The following RAB2A variants were observed in gnomAD, a reference collection of about 807,000 sequenced individuals.
RAB2A encodes ras-related protein Rab-2A.
In RAB2A, 7 loss-of-function variants were observed where a neutral mutation model predicts 32.5. The ratio of observed to expected loss-of-function variants is 0.22; its 90% CI spans 0.12 to 0.40. RAB2A has a LOEUF of 0.40. Among genes scored for constraint, RAB2A ranks in the 10% least tolerant of loss-of-function variants. The pLI, the probability that RAB2A is intolerant of heterozygous loss-of-function variation, is 1.00. For missense variants in RAB2A, 108 were observed against 260.7 expected (o/e 0.41, Z 4.03); for synonymous variants, 79 against 85.2 (o/e 0.93, Z 0.40).
intron 3 of RAB2A, among the ~76,000 whole-genome samples, chr8:60,581,049 T>C (rs1020006490): frequency 6.6e-6 from 1 of 152,224 alleles, no homozygotes; most frequent in Non-Finnish European, 1.5e-5. Context: ...CCATGAGGAA[T>C]AGATGCTAAC....
chr8:60,620,726 C>G lies in RAB2A; in HGVS notation c.596C>G (p.Ala199Gly), dbSNP rs571634003. The G allele has an allele frequency of 1.1e-5, 17 of 1,613,828 alleles. No homozygotes were observed. In the East Asian group the frequency reaches 3.6e-4, roughly 34 times the overall value. ...PQHAATNATH[A>G]GNQGGQQAGG... ...CATGCTGCTACCAATGCAACACATGCAGGCAATCAGGGAGGACAGCAGGCT... is the reference window on the plus strand; with the variant it reads ...CATGCTGCTACCAATGCAACACATGGAGGCAATCAGGGAGGACAGCAGGCT... Residue 199 changes from alanine to glycine, a missense_variant, in exon 8 of 8, where the codon GCA becomes GGA. By Grantham distance (60) the Ala-to-Gly change is moderately conservative. Around this residue, in one of 4 missense-constraint regions of RAB2A, gnomAD observed 24 missense variants for 23.2 expected, o/e 1.04. Coordinates refer to ENST00000262646, the MANE Select transcript of RAB2A (RefSeq NM_002865.3).
At chr8:60,521,546 G>T (rs937013173) in intron 1 of RAB2A, among the ~76,000 whole-genome samples, 4 of 152,194 alleles carry the variant, frequency 2.6e-5, no homozygotes, top group Non-Finnish European at 4.4e-5. Context: ...CCTGATTGGC[G>T]TAGGGGCTTG....
At chr8:60,560,908 T>C (rs1808013072) in intron 2 of RAB2A, among the ~76,000 whole-genome samples, 1 of 152,200 alleles carries the variant, frequency 6.6e-6, no homozygotes, top group African/African-American at 2.4e-5. Context: ...CAAGAATTGT[T>C]TGGAAAACTG....
rs1371845295 is a variant in RAB2A at position 60,601,493 on chromosome 8, ACG to A, written c.474+9526_474+9527del. Reference sequence around the variant, plus strand: ...GATGGGACTACAGGCATGTGCCACCACGCCTGGCTAATTTTTGTACTTCTAGT... The same window carrying A: ...GATGGGACTACAGGCATGTGCCACCACCTGGCTAATTTTTGTACTTCTAGT... On this transcript the variant is annotated intron_variant, in intron 6 of 7. Coordinates refer to ENST00000262646, the MANE Select transcript of RAB2A (RefSeq NM_002865.3). Among the ~76,000 whole-genome samples the A allele has an allele frequency of 2.0e-5, 3 of 152,182 alleles. No individual in the cohort carries two copies. In the East Asian group the frequency reaches 5.8e-4, roughly 29 times the overall value.
intron 1 of RAB2A, among the ~76,000 whole-genome samples, chr8:60,549,992 C>CT (rs1016557260): frequency 1.7e-4 from 26 of 151,888 alleles, no homozygotes; most frequent in Admixed American, 1.3e-3. Context: ...ATGTCTCAGT[C>CT]TTTTTTTTGC....
At chr8:60,580,866 A>G (rs1264349473) in intron 3 of RAB2A, among the ~76,000 whole-genome samples, 4 of 152,186 alleles carry the variant, frequency 2.6e-5, no homozygotes, top group Non-Finnish European at 5.9e-5. Context: ...GTACTTTTCT[A>G]GCAATGTGTT....
intron 1 of RAB2A, among the ~76,000 whole-genome samples, chr8:60,523,782 C>T (rs1807337584): frequency 6.6e-6 from 1 of 151,420 alleles, no homozygotes; most frequent in South Asian, 2.1e-4. Flanking sequence ...GCTCCGTCTC[C>T]CGGGTTCACA....
At chr8:60,548,912 C>G (rs1807795571) in intron 1 of RAB2A, among the ~76,000 whole-genome samples, 2 of 141,988 alleles carry the variant, frequency 1.4e-5, no homozygotes, top group Non-Finnish European at 3.1e-5. Flanking sequence ...AGGGGCTCCT[C>G]ACTTCTCAGA....
In RAB2A at chr8:60,583,339, T is replaced by C. The variant is rs936609185; in HGVS notation, c.187-869T>C. 5.9e-5 allele frequency among the ~76,000 whole-genome samples: 9 copies of C among 152,304 alleles called. No homozygotes were observed. In the South Asian group the frequency reaches 8.3e-4, roughly 14 times the overall value. On this transcript the variant is annotated intron_variant, in intron 3 of 7. Coordinates refer to ENST00000262646, the MANE Select transcript of RAB2A (RefSeq NM_002865.3). ...ATTAAAAATGAAAAATAACTTCTTATAAGAGCTGTCTCGGTTTTAAACTCA... is the reference window on the plus strand; with the variant it reads ...ATTAAAAATGAAAAATAACTTCTTACAAGAGCTGTCTCGGTTTTAAACTCA...
chr8:60,620,893 C>G lies in RAB2A; in HGVS notation c.*124C>G. On this transcript the variant is annotated 3_prime_UTR_variant, in exon 8 of 8. Coordinates refer to ENST00000262646, the MANE Select transcript of RAB2A (RefSeq NM_002865.3). The stretch of plus-strand genomic sequence containing the variant: ...CTTTATGTCACAGAAGACTTTAATC[C>G]GTCAAATTCTTGTATAACTTTGAAT... 2.8e-6 allele frequency: 2 copies of G among 714,764 alleles called. No homozygotes were observed. The highest frequency in any genetic ancestry group is 2.2e-6 in the Non-Finnish European group (1 of 457,420). The allele number at this position is 714,764 out of a possible 1,614,324, so 44.3% of individuals were successfully genotyped here.
chr8:60,588,702 A>G (rs1803885955), intron 5 of RAB2A, among the ~76,000 whole-genome samples: 1 of 152,230 alleles, frequency 6.6e-6, no homozygotes. Context: ...ACAATGGAGT[A>G]TGAGGAAACT....
intron 1 of RAB2A, among the ~76,000 whole-genome samples, chr8:60,529,387 T>A (rs187707213): frequency 6.6e-6 from 1 of 152,198 alleles, no homozygotes; most frequent in Non-Finnish European, 1.5e-5. Context: ...TGGGGAGAGA[T>A]GTTAAAATCT....
At chr8:60,527,716 C>G (rs1268239949) in intron 1 of RAB2A, among the ~76,000 whole-genome samples, 2 of 152,212 alleles carry the variant, frequency 1.3e-5, no homozygotes, top group Non-Finnish European at 2.9e-5. Flanking sequence ...GCTCATTTAC[C>G]CTAATCATAG....
intron 2 of RAB2A, among the ~76,000 whole-genome samples, chr8:60,568,461 T>C (rs1808149253): frequency 6.6e-6 from 1 of 152,356 alleles, no homozygotes; most frequent in African/African-American, 2.4e-5. Context: ...AAATACTATG[T>C]GCCAGGCATT....
intron 3 of RAB2A, 97 bp from the exon 4 acceptor site, chr8:60,584,111 C>T: frequency 1.0e-6 from 1 of 999,834 alleles, no homozygotes; most frequent in Non-Finnish European, 1.6e-6. Flanking sequence ...TCTTTATGCA[C>T]TCCTTCCCTA....
chr8:60,594,259 A>C (rs1399048570), intron 6 of RAB2A, among the ~76,000 whole-genome samples: 1 of 152,184 alleles, frequency 6.6e-6, no homozygotes, highest in African/African-American at 2.4e-5. Flanking sequence ...AAAGTATATA[A>C]ACCTACAGAT....
chr8:60,523,720 T>G (rs1032434044), intron 1 of RAB2A, among the ~76,000 whole-genome samples: 1 of 150,714 alleles, frequency 6.6e-6, no homozygotes, highest in Non-Finnish European at 1.5e-5. Context: ...GAGACAAGTC[T>G]CGCTTTGTCG....
intron 7 of RAB2A, among the ~76,000 whole-genome samples, chr8:60,620,294 A>G (rs1235095998): frequency 1.3e-5 from 2 of 152,260 alleles, no homozygotes; most frequent in Non-Finnish European, 2.9e-5. Flanking sequence ...TGGAACAGAA[A>G]CACTGTCTAG....
intron 6 of RAB2A, among the ~76,000 whole-genome samples, chr8:60,611,137 T>A (rs897884642): frequency 1.3e-5 from 2 of 152,242 alleles, no homozygotes; most frequent in Non-Finnish European, 2.9e-5. Flanking sequence ...TGCCACCATC[T>A]GACCTTTCTT....
Sources: gnomAD v4.1 joint callset for allele counts (sites outside exome capture counted in the v4.1 genomes callset) on GRCh38, gnomAD v4.1.1 for gene constraint, gnomAD v4.1.1 regional missense constraint, MANE v1.5 for transcripts, NCBI Gene and HGNC (gene_info 2026-07-23, HGNC 2026-07-21) for gene names.